MYOM2: variants seen among roughly 807,000 people sequenced by gnomAD.
The protein encoded by MYOM2 is myomesin 2.
Under a neutral mutation model 187.6 loss-of-function variants are expected in MYOM2, and 254 were observed. The observed-to-expected ratio is 1.35, with a 90% confidence interval of 1.22 to 1.50. The LOEUF is 1.50. Among genes scored for constraint, MYOM2 ranks in the 40% most tolerant of loss-of-function variants. The pLI is 0.00. For synonymous variants in MYOM2, 981 were observed against 753.8 expected (o/e 1.30, Z -4.94); for missense variants, 2,796 against 1,924.0 (o/e 1.45, Z -8.48).
In MYOM2 at chr8:2,106,369, G is replaced by C. The variant is rs140682467; in HGVS notation, c.2862G>C (p.Glu954Asp). ...CKSYEEISDDERFKIETVGDH... is the reference protein window; with the variant it reads ...CKSYEEISDDDRFKIETVGDH... ...CCTACGAGGAGATTTCAGATGATGA[G>C]AGGTTTAAAATTGAAACCGTGGGGG... Residue 954 changes from glutamate to aspartate, a missense_variant, in exon 22 of 37, where the codon GAG (glutamate) becomes GAC (aspartate). Glu to Asp is a conservative substitution (Grantham distance 45). Coordinates refer to ENST00000262113, the MANE Select transcript of MYOM2 (RefSeq NM_003970.4). 5.8e-5 allele frequency: 94 copies of C among 1,614,172 alleles called. No homozygotes were observed. The African/African-American group carries it at 1.1e-3, about 19-fold the overall frequency.
At position 2,126,373 on chromosome 8, in the gene MYOM2, C is replaced by G. The variant is rs907837803; in HGVS notation, c.3694+2156C>G. The stretch of plus-strand genomic sequence containing the variant: ...GTCAACACACTCACACCCACACACT[C>G]ACATCCCCACACTCACACAGCAGTC... On this transcript the variant is annotated intron_variant, in intron 31 of 36. Coordinates refer to ENST00000262113, the MANE Select transcript of MYOM2 (RefSeq NM_003970.4). Among the ~76,000 whole-genome samples, 3 of 59,790 alleles carry G rather than the reference C, an allele frequency of 5.0e-5. No homozygotes were observed. In the South Asian group the frequency reaches 1.2e-3, roughly 24 times the overall value. 39.2% of individuals were successfully genotyped at this position (59,790 alleles called of 152,430 possible).
intron 28 of MYOM2, among the ~76,000 whole-genome samples, chr8:2,123,015 C>A (rs931733694): frequency 2.6e-4 from 40 of 152,252 alleles, no homozygotes; most frequent in African/African-American, 9.4e-4. Context: ...TGACGAGAAT[C>A]ATTTGTCCTT....
At chr8:2,098,659 T>G (rs1223851708) in intron 18 of MYOM2, among the ~76,000 whole-genome samples, 198 bp from the exon 19 acceptor site, 1 of 152,170 alleles carries the variant, frequency 6.6e-6, no homozygotes, top group Non-Finnish European at 1.5e-5. Flanking sequence ...GGGGATTGAG[T>G]GAAGGACACG....
intron 33 of MYOM2, 121 bp from the exon 34 acceptor site, chr8:2,141,020 A>T: frequency 7.5e-7 from 1 of 1,328,518 alleles, no homozygotes; most frequent in Non-Finnish European, 1.0e-6. Context: ...ATGAAAAAAT[A>T]AATTTATTCT....
chr8:2,145,282 G>T lies in MYOM2; in HGVS notation c.*301G>T, dbSNP rs892615315. 2.0e-6 allele frequency: 1 copy of T among 507,802 alleles called. No homozygotes were observed. Among genetic ancestry groups the T allele is most frequent in the Non-Finnish European group, 3.5e-6 (1 of 289,010 alleles). The allele number at this position is 507,802 out of a possible 1,614,324, so 31.5% of individuals were successfully genotyped here. ...AATTTTCACGGGTGTGGGCACATGG[G>T]TGTGGCACCTGGACGTGTGCAGCAT... On this transcript the variant is annotated 3_prime_UTR_variant, in exon 37 of 37. Coordinates refer to ENST00000262113, the MANE Select transcript of MYOM2 (RefSeq NM_003970.4).
chr8:2,112,204 G>C (rs1314542463), intron 25 of MYOM2, among the ~76,000 whole-genome samples: 2 of 152,116 alleles, frequency 1.3e-5, no homozygotes, highest in Admixed American at 6.6e-5. Context: ...GACTGTCACG[G>C]AGTCAAAGAA....
At chr8:2,072,536 G>C in intron 9 of MYOM2, 27 bp downstream of exon 9, 2 of 1,601,652 alleles carry the variant, frequency 1.2e-6, no homozygotes, top group Non-Finnish European at 1.7e-6. Context: ...CCAGACCCGG[G>C]CACACACCAG....
rs931619034 is a variant in MYOM2 at position 2,145,341 on chromosome 8, TTGGGG to T, written c.*361_*365del. On this transcript the variant is annotated 3_prime_UTR_variant, in exon 37 of 37. Coordinates refer to ENST00000262113, the MANE Select transcript of MYOM2 (RefSeq NM_003970.4). The stretch of plus-strand genomic sequence containing the variant: ...CTGTGTGAAGCCACCGTGCTTCTCT[TTGGGG>T]GGCCGCGAGATCTAGCATCTCTGAA... 1.5e-5 allele frequency: 5 copies of T among 334,644 alleles called. No individual in the cohort carries two copies. The highest frequency in any genetic ancestry group is 1.6e-5 in the Non-Finnish European group (3 of 186,292). The allele number at this position is 334,644 out of a possible 1,614,324, so 20.7% of individuals were successfully genotyped here.
chr8:2,108,336 C>T (rs558900738), intron 23 of MYOM2, among the ~76,000 whole-genome samples: 8 of 149,742 alleles, frequency 5.3e-5, no homozygotes, highest in African/African-American at 1.7e-4. Context: ...ATGAAATGAG[C>T]GGTGTGTATA....
At position 2,093,862 on chromosome 8, in the gene MYOM2, G is replaced by A. The variant is rs1269527568; in HGVS notation, c.2004-108G>A. On this transcript the variant is annotated intron_variant, in intron 16 of 36. Coordinates refer to ENST00000262113, the MANE Select transcript of MYOM2 (RefSeq NM_003970.4). ...CTAGAATTGAAAATGAAGGATGTAT[G>A]TTATCCATAAAAATTTTTTATGGCG... 8 of 1,321,224 alleles carry A rather than the reference G, an allele frequency of 6.1e-6. No individual in the cohort carries two copies. In the Admixed American group the frequency reaches 8.3e-5, roughly 14 times the overall value. 81.8% of individuals were successfully genotyped at this position (1,321,224 alleles called of 1,614,324 possible). A position where few individuals can be genotyped will look rare whatever the true frequency, so the allele number is the denominator to read the frequency against.
chr8:2,069,989 C>T (rs1819158696), intron 8 of MYOM2, among the ~76,000 whole-genome samples: 1 of 152,202 alleles, frequency 6.6e-6, no homozygotes, highest in Non-Finnish European at 1.5e-5. Context: ...GGCAGTGCAG[C>T]AGGCTTTGGT....
chr8:2,059,786 A>T (rs1002830796), intron 6 of MYOM2, among the ~76,000 whole-genome samples: 78 of 133,726 alleles, frequency 5.8e-4, no homozygotes, highest in African/African-American at 2.2e-3. Flanking sequence ...CTTGTTGCCC[A>T]GGCTGGAGTG....
intron 31 of MYOM2, among the ~76,000 whole-genome samples, chr8:2,127,163 C>G (rs568786129): frequency 1.3e-5 from 2 of 152,120 alleles, no homozygotes; most frequent in South Asian, 4.2e-4. Flanking sequence ...GGGAATATGG[C>G]TCTGCAGTGT....
intron 31 of MYOM2, 73 bp from the exon 32 acceptor site, chr8:2,129,051 TGCC>T (rs1797757214): frequency 1.8e-6 from 2 of 1,093,754 alleles, no homozygotes; most frequent in Non-Finnish European, 2.8e-6. Flanking sequence ...CAGGAGGGCT[TGCC>T]GCCGCGATGC....
intron 6 of MYOM2, among the ~76,000 whole-genome samples, chr8:2,062,613 G>A (rs1818887796): frequency 3.9e-5 from 6 of 152,148 alleles, no homozygotes; most frequent in Admixed American, 3.9e-4. Context: ...AAGTTTTTCA[G>A]AGAGAAACTT....
chr8:2,069,533 A>G, intron 8 of MYOM2, 36 bp downstream of exon 8: 2 of 1,612,144 alleles, frequency 1.2e-6, no homozygotes, highest in African/African-American at 2.7e-5. Context: ...GTGTGGTGAA[A>G]TGTTTAGTGA....
rs1289494016 is a variant in MYOM2, at chr8:2,145,361, G to C, written c.*380G>C. ...TCTCTTTGGGGGGCCGCGAGATCTA[G>C]CATCTCTGAAATCCTGGCTGTCGAG... On this transcript the variant is annotated 3_prime_UTR_variant, in exon 37 of 37. Transcript: ENST00000262113. 1 of 290,458 alleles carries C rather than the reference G, an allele frequency of 3.4e-6. No homozygotes were observed. The highest frequency in any genetic ancestry group is 7.9e-5 in the South Asian group (1 of 12,622). The allele number at this position is 290,458 out of a possible 1,614,324, so 18.0% of individuals were successfully genotyped here.
intron 19 of MYOM2, 68 bp from the exon 20 acceptor site, chr8:2,100,808 C>A: frequency 6.5e-7 from 1 of 1,538,858 alleles, no homozygotes; most frequent in East Asian, 2.3e-5. Flanking sequence ...GTCCCCGGGG[C>A]TGGGTTGGGC....
intron 6 of MYOM2, among the ~76,000 whole-genome samples, chr8:2,061,307 G>A (rs993495854): frequency 6.6e-5 from 10 of 152,118 alleles, no homozygotes; most frequent in African/African-American, 2.4e-4. Context: ...TGTTTAGTGA[G>A]GGAGGGCGTC....
Sources: gnomAD v4.1 joint callset for allele counts (sites outside exome capture counted in the v4.1 genomes callset) on GRCh38, gnomAD v4.1.1 for gene constraint, MANE v1.5 for transcripts, NCBI Gene and HGNC (gene_info 2026-07-23, HGNC 2026-07-21) for gene names.